The following AKAP6 variants were observed in gnomAD, a reference collection of about 807,000 sequenced individuals.
The protein encoded by AKAP6 is A-kinase anchoring protein 6, also known as A-kinase anchor protein 6.
Under a neutral mutation model 188.5 loss-of-function variants are expected in AKAP6, and 58 were observed. The observed-to-expected ratio is 0.31, with a 90% CI of 0.25 to 0.38. AKAP6 has a LOEUF of 0.38. Among genes scored for constraint, AKAP6 ranks in the 10% least tolerant of loss-of-function variants. The probability of loss-of-function intolerance (pLI) is 1.00; values close to 1 mark genes in which losing one functional copy is unlikely to be tolerated. For synonymous variants in AKAP6, 989 were observed against 998.6 expected (o/e 0.99, Z 0.18); for missense variants, 2,710 against 2,740.0 (o/e 0.99, Z 0.24).
At chr14:32,701,719 T>C (rs1266755740) in intron 9 of AKAP6, among the ~76,000 whole-genome samples, 2 of 152,172 alleles carry the variant, frequency 1.3e-5, no homozygotes, top group African/African-American at 2.4e-5. Flanking sequence ...CTGTATTTCA[T>C]AAATTCACAC....
At chr14:32,754,273 G>A in intron 11 of AKAP6, among the ~76,000 whole-genome samples, 1 of 152,056 alleles carries the variant, frequency 6.6e-6, no homozygotes, top group Non-Finnish European at 1.5e-5. Context: ...TGTCTCTTGT[G>A]AAAGTTTTTG....
At chr14:32,584,233 T>C (rs1024929613) in intron 5 of AKAP6, among the ~76,000 whole-genome samples, 2 of 152,188 alleles carry the variant, frequency 1.3e-5, no homozygotes, top group African/African-American at 4.8e-5. Flanking sequence ...ACCTCATGTA[T>C]ACCATGTCTT....
chr14:32,338,307 A>C (rs1000231980), intron 1 of AKAP6, among the ~76,000 whole-genome samples: 23 of 152,140 alleles, frequency 1.5e-4, no homozygotes, highest in Non-Finnish European at 2.6e-4. Flanking sequence ...AGAAGTAGTA[A>C]ATTGAGTGCC....
At chr14:32,674,117 A>T (rs1163214065) in intron 7 of AKAP6, among the ~76,000 whole-genome samples, 1 of 152,222 alleles carries the variant, frequency 6.6e-6, no homozygotes, top group African/African-American at 2.4e-5. Flanking sequence ...CAATACGTGC[A>T]AAGGTCCTGA....
intron 12 of AKAP6, among the ~76,000 whole-genome samples, chr14:32,787,088 C>A (rs2033445237): frequency 6.6e-6 from 1 of 152,180 alleles, no homozygotes; most frequent in Non-Finnish European, 1.5e-5. Flanking sequence ...TGTCACTTTG[C>A]ATCAATGTCC....
intron 2 of AKAP6, among the ~76,000 whole-genome samples, chr14:32,533,182 G>A (rs1201826333): frequency 6.6e-6 from 1 of 152,126 alleles, no homozygotes; most frequent in Non-Finnish European, 1.5e-5. Context: ...CGCCATGCTT[G>A]GTATAGAGAG....
At chr14:32,624,999 T>C (rs566169882) in intron 7 of AKAP6, among the ~76,000 whole-genome samples, 3 of 152,180 alleles carry the variant, frequency 2.0e-5, no homozygotes, top group Non-Finnish European at 4.4e-5. Context: ...CAGTGAATAA[T>C]TAAAATAAAT....
In AKAP6 at chr14:32,426,941, C is replaced by G. The variant is rs1188468295; in HGVS notation, c.-34-6519C>G. Among the ~76,000 whole-genome samples, 6 of 152,074 alleles carry G rather than the reference C, an allele frequency of 3.9e-5. No individual in the cohort carries two copies. In the East Asian group the frequency reaches 1.2e-3, roughly 29 times the overall value. ...ACTGTGTTCTGGGCAAGGGAGTTAG[C>G]GGGTATTTGAGGAAAGACCCAGGAG... On this transcript the variant is annotated intron_variant, in intron 1 of 13. Transcript: ENST00000280979.
In AKAP6 at chr14:32,546,909, C is replaced by A; in HGVS notation, c.2256C>A (p.Ser752Arg). 1 of 1,613,590 alleles carries A rather than the reference C, an allele frequency of 6.2e-7. No individual in the cohort carries two copies. Among genetic ancestry groups the A allele is most frequent in the Admixed American group, 1.7e-5 (1 of 60,014 alleles). ...CTTCATCCTCTGAGAAAAATGAGAG[C>A]CATTCTGCCACTAAATCAGCTTTAA... ...ERASSSEKNE[S>R]HSATKSALIQ... The change falls in exon 4 of 14, where the codon AGC becomes AGA. Residue 752 changes from serine to arginine, a missense_variant. Transcript: ENST00000280979.
chr14:32,452,533 G>C (rs964563537), intron 2 of AKAP6, among the ~76,000 whole-genome samples: 1 of 152,052 alleles, frequency 6.6e-6, no homozygotes, highest in African/African-American at 2.4e-5. Flanking sequence ...AGTCAGACTG[G>C]GCACAGAGGC....
At chr14:32,553,190 T>C (rs552754734) in intron 4 of AKAP6, among the ~76,000 whole-genome samples, 7 of 149,202 alleles carry the variant, frequency 4.7e-5, no homozygotes, top group African/African-American at 1.8e-4. Flanking sequence ...TGAGATGGAG[T>C]CTTGCTCTGT....
intron 5 of AKAP6, among the ~76,000 whole-genome samples, chr14:32,589,527 A>C (rs1268003199): frequency 6.6e-6 from 1 of 152,130 alleles, no homozygotes; most frequent in Non-Finnish European, 1.5e-5. Flanking sequence ...TTACTCATGT[A>C]ACTCTAATTT....
intron 7 of AKAP6, among the ~76,000 whole-genome samples, chr14:32,639,696 T>C (rs1483654300): frequency 2.6e-5 from 4 of 152,124 alleles, no homozygotes; most frequent in Admixed American, 2.6e-4. Context: ...GAAGAACTAG[T>C]AGTTAATTTG....
chr14:32,802,817 G>C (rs1054855865), intron 12 of AKAP6, among the ~76,000 whole-genome samples: 8 of 152,140 alleles, frequency 5.3e-5, no homozygotes, highest in East Asian at 3.8e-4. Flanking sequence ...TTTTATGAAG[G>C]CTGGGCACAG....
intron 3 of AKAP6, among the ~76,000 whole-genome samples, chr14:32,539,144 A>G (rs1337221268): frequency 2.0e-5 from 3 of 152,180 alleles, no homozygotes; most frequent in Non-Finnish European, 2.9e-5. Context: ...GTTATCCTCA[A>G]TTTACAGGTA....
chr14:32,521,514 A>G (rs944843489), intron 2 of AKAP6, among the ~76,000 whole-genome samples: 1 of 152,228 alleles, frequency 6.6e-6, no homozygotes, highest in Non-Finnish European at 1.5e-5. Context: ...TCAATGTGCA[A>G]AAATCACAAG....
intron 2 of AKAP6, among the ~76,000 whole-genome samples, chr14:32,489,739 C>T (rs2138939066): frequency 6.6e-6 from 1 of 152,346 alleles, no homozygotes; most frequent in East Asian, 1.9e-4. Context: ...CCTTGCTTTA[C>T]AGTCTTAATG....
intron 12 of AKAP6, among the ~76,000 whole-genome samples, chr14:32,794,907 G>T (rs2033718352): frequency 6.6e-6 from 1 of 151,664 alleles, no homozygotes; most frequent in African/African-American, 2.4e-5. Flanking sequence ...TAATAAAGAA[G>T]AAAAGAGAAA....
intron 1 of AKAP6, among the ~76,000 whole-genome samples, chr14:32,405,896 C>T (rs916553207): frequency 6.6e-6 from 1 of 152,168 alleles, no homozygotes; most frequent in Non-Finnish European, 1.5e-5. Context: ...TGAGAATTGA[C>T]TAATACACAC....
Sources: gnomAD v4.1 joint callset for allele counts (sites outside exome capture counted in the v4.1 genomes callset) on GRCh38, gnomAD v4.1.1 for gene constraint, MANE v1.5 for transcripts, NCBI Gene and HGNC (gene_info 2026-07-23, HGNC 2026-07-21) for gene names.